Variants in NLRP2 observed in about 807,000 individuals in gnomAD.
NLRP2 encodes NACHT, LRR and PYD domains-containing protein 2.
Under a neutral mutation model 97.2 loss-of-function variants are expected in NLRP2, and 107 were observed. The ratio of observed to expected loss-of-function variants is 1.10; its 90% confidence interval spans 0.94 to 1.29. The LOEUF (loss-of-function observed/expected upper bound fraction) is 1.29. Among genes scored for constraint, NLRP2 ranks in the 50% most tolerant of loss-of-function variants. The pLI, the probability that NLRP2 is intolerant of heterozygous loss-of-function variation, is 0.00. For synonymous variants in NLRP2, 663 were observed against 551.5 expected (o/e 1.20, Z -2.83); for missense variants, 1,495 against 1,330.3 (o/e 1.12, Z -1.93).
chr19:54,982,508 G>C lies in NLRP2; in HGVS notation c.810G>C (p.Gln270His). The C allele has an allele frequency of 6.2e-7, 1 of 1,614,210 alleles. No individual in the cohort carries two copies. Among genetic ancestry groups the C allele is most frequent in the Non-Finnish European group, 8.5e-7 (1 of 1,180,032 alleles). ...TCTTCAGGGACTGGCCTGAATTGCA[G>C]GATGACATTCCACACATCCTAGCCC... ...ELVFRDWPELQDDIPHILAQA... is the reference protein window; with the variant it reads ...ELVFRDWPELHDDIPHILAQA... The change falls in exon 6 of 13, where the codon CAG becomes CAC. Residue 270 changes from glutamine (Q) to histidine (H), a missense_variant. Physicochemically the swap from Gln to His is conservative, Grantham distance 24. Transcript: ENST00000448584.
rs1396151639 is a variant in NLRP2 at position 54,982,884 on chromosome 19, T to C, written c.1186T>C (p.Ser396Pro). 6.2e-7 allele frequency: 1 copy of C among 1,613,054 alleles called. No homozygotes were observed. The highest frequency in any genetic ancestry group is 8.5e-7 in the Non-Finnish European group (1 of 1,179,976). Residue 396 changes from serine (S) to proline (P), a missense_variant, in exon 6 of 13, where the codon TCG becomes CCG. Physicochemically the swap from Ser to Pro is moderately conservative, Grantham distance 74 (BLOSUM62 -1). Transcript: ENST00000448584. ...CAACGCGGCCCTGTTCCAGCTGGGC[T>C]CGGCCCCCGCGGTGTGCTGGATCGT... ...RSNAALFQLG[S>P]APAVCWIVCT... is the part of the protein sequence containing the mutation.
intron 12 of NLRP2, among the ~76,000 whole-genome samples, chr19:54,999,964 T>G (rs1381084596): frequency 6.6e-6 from 1 of 152,104 alleles, no homozygotes; most frequent in East Asian, 1.9e-4. Context: ...CTCAAACTCC[T>G]GACCTCAAGT....
intron 12 of NLRP2, among the ~76,000 whole-genome samples, chr19:54,998,635 T>A (rs1156571590): frequency 0.013 from 903 of 67,484 alleles, 17 homozygotes; most frequent in African/African-American, 0.04. Flanking sequence ...TTTTTCCTTT[T>A]TTTTTTTTTT....
intron 2 of NLRP2, 178 bp from the exon 3 acceptor site, chr19:54,974,322 C>T (rs970790594): frequency 1.1e-5 from 7 of 659,016 alleles, no homozygotes; most frequent in African/African-American, 9.1e-5. Context: ...CCACTCCAGC[C>T]TGGGCAACAG....
intron 6 of NLRP2, among the ~76,000 whole-genome samples, chr19:54,984,595 G>T (rs1270129336): frequency 7.0e-6 from 1 of 143,850 alleles, no homozygotes; most frequent in Non-Finnish European, 1.5e-5. Flanking sequence ...TGATTCTCCT[G>T]CCTCAGCCTC....
rs73612087 is a variant in NLRP2, at chr19:55,001,052, T to C, written c.*154T>C. ...TAGCCATGATTCTGCCTCTGTTTTATACCTGCACACATCCTTATCTTTGTT... is the reference window on the plus strand; with the variant it reads ...TAGCCATGATTCTGCCTCTGTTTTACACCTGCACACATCCTTATCTTTGTT... On this transcript the variant is annotated 3_prime_UTR_variant, in exon 13 of 13. Transcript: ENST00000448584. The C allele has an allele frequency of 2.8e-3, 1,860 of 665,452 alleles. 19 individuals carry two copies. The African/African-American group carries it at 0.03, about 11-fold the overall frequency. 41.2% of individuals were successfully genotyped at this position (665,452 alleles called of 1,614,324 possible).
intron 3 of NLRP2, among the ~76,000 whole-genome samples, chr19:54,975,117 T>G (rs1028684164): frequency 0.014 from 284 of 20,896 alleles, 15 homozygotes; most frequent in African/African-American, 0.11. Context: ...TTTTTTTTTT[T>G]TTTTTTTTTT....
At chr19:54,992,526 G>A (rs1293540114) in intron 10 of NLRP2, among the ~76,000 whole-genome samples, 8 of 123,342 alleles carry the variant, frequency 6.5e-5, no homozygotes, top group Admixed American at 6.4e-4. Context: ...TGTGGTGTGT[G>A]TGGTATTTTT....
At chr19:54,985,695 A>AG (rs1223991081) in intron 7 of NLRP2, among the ~76,000 whole-genome samples, 4 of 144,534 alleles carry the variant, frequency 2.8e-5, no homozygotes, top group Non-Finnish European at 4.4e-5. Context: ...AAAAAAAAAA[A>AG]AAAGAAAAAG....
In NLRP2 at chr19:54,983,277, G is replaced by A. The variant is rs371453526; in HGVS notation, c.1579G>A (p.Gly527Ser). 43 of 1,613,946 alleles carry A rather than the reference G, an allele frequency of 2.7e-5. No homozygotes were observed. The highest frequency in any genetic ancestry group is 3.2e-5 in the Non-Finnish European group (38 of 1,179,974). ...GAAGGAGGAGGAAGAGGATAGGGACGGCCACACCTGGGACATTGGGGACGT... is the reference window on the plus strand; with the variant it reads ...GAAGGAGGAGGAAGAGGATAGGGACAGCCACACCTGGGACATTGGGGACGT... ...LEKEEEEDRD[G>S]HTWDIGDVQK... The change falls in exon 6 of 13, where the codon GGC becomes AGC. Residue 527 changes from glycine (G) to serine (S), a missense_variant. Gly to Ser is a moderately conservative substitution (Grantham distance 56). Coordinates refer to ENST00000448584, the MANE Select transcript of NLRP2 (RefSeq NM_017852.5).
chr19:54,973,347 T>TTG (rs2070992598), intron 2 of NLRP2, among the ~76,000 whole-genome samples: 1 of 139,612 alleles, frequency 7.2e-6, no homozygotes, highest in Non-Finnish European at 1.5e-5. Flanking sequence ...GGTGAGGGTT[T>TTG]TTTTTTTTTT....
chr19:54,982,550 G>C lies in NLRP2; in HGVS notation c.852G>C (p.Leu284Phe). 1.9e-6 allele frequency: 3 copies of C among 1,614,214 alleles called. No homozygotes were observed. In the South Asian group the frequency reaches 3.3e-5, roughly 18 times the overall value. The change falls in exon 6 of 13, where the codon TTG (leucine) becomes TTC (phenylalanine). Residue 284 changes from leucine (L) to phenylalanine (F), a missense_variant. Physicochemically the swap from Leu to Phe is conservative, Grantham distance 22. Transcript: ENST00000448584. The stretch of plus-strand genomic sequence containing the variant: ...TCCTAGCCCAAGCACGGAAAATCTT[G>C]TTCGTGATTGACGGCTTTGATGAGC... ...PHILAQARKI[L>F]FVIDGFDELG... is the part of the protein sequence containing the mutation.
intron 4 of NLRP2, among the ~76,000 whole-genome samples, chr19:54,978,213 A>G (rs896279399): frequency 6.8e-6 from 1 of 146,226 alleles, no homozygotes; most frequent in Admixed American, 7.0e-5. Flanking sequence ...GATTATAGGC[A>G]CCTGCCACCA....
chr19:54,970,770 C>CTTTTTTTTTTTTTTTTTTTCCTTTTTTTT (rs34406686), intron 2 of NLRP2, among the ~76,000 whole-genome samples: 1 of 108,464 alleles, frequency 9.2e-6, no homozygotes, highest in Non-Finnish European at 1.9e-5. Flanking sequence ...CTACCTACTT[C>CTTTTTTTTTTTTTTTTTTTCCTTTTTTTT]TTTTTTTTTT....
intron 7 of NLRP2, 84 bp downstream of exon 7, chr19:54,985,301 T>C (rs975129633): frequency 6.2e-6 from 8 of 1,288,700 alleles, no homozygotes; most frequent in Admixed American, 1.7e-5. Context: ...TTCAGATTCC[T>C]GTACTAGACT....
chr19:54,997,341 G>A lies in NLRP2; in HGVS notation c.2904G>A (p.Pro968=), dbSNP rs774641068. 40 of 1,613,818 alleles carry A rather than the reference G, an allele frequency of 2.5e-5. No homozygotes were observed. The highest frequency in any genetic ancestry group is 6.7e-5 in the Admixed American group (4 of 59,990). The change falls in exon 12 of 13, where the codon CCG becomes CCA. Residue 968 remains proline, a synonymous_variant. Transcript: ENST00000448584. The stretch of plus-strand genomic sequence containing the variant: ...GGTTGTGGGGATGTTCCATCCCTCC[G>A]TTCAGTTGTGAAGACCTCTGCTCTG... ...CLWLWGCSIP[P]FSCEDLCSAL...
At chr19:54,981,476 C>A in intron 4 of NLRP2, 141 bp from the exon 5 acceptor site, 2 of 681,148 alleles carry the variant, frequency 2.9e-6, no homozygotes, top group Non-Finnish European at 5.4e-6. Context: ...CCGGAAAACA[C>A]ATTTGTAGCT....
intron 10 of NLRP2, 46 bp downstream of exon 10, chr19:54,990,718 GC>G: frequency 6.3e-7 from 1 of 1,595,320 alleles, no homozygotes; most frequent in Non-Finnish European, 8.6e-7. Context: ...ATATGCACAC[GC>G]CCCCCACCTC....
intron 3 of NLRP2, among the ~76,000 whole-genome samples, chr19:54,975,028 T>TG (rs1426719697): frequency 1.3e-5 from 2 of 150,254 alleles, no homozygotes; most frequent in African/African-American, 4.9e-5. Context: ...CTTGAACTCC[T>TG]GACCTCAAGT....
Sources: gnomAD v4.1 joint callset for allele counts (sites outside exome capture counted in the v4.1 genomes callset) on GRCh38, gnomAD v4.1.1 for gene constraint, MANE v1.5 for transcripts, NCBI Gene and HGNC (gene_info 2026-07-23, HGNC 2026-07-21) for gene names.